CTNNAL1: variants seen among roughly 807,000 people sequenced by gnomAD.
CTNNAL1 encodes alpha-catulin.
Under a neutral mutation model 93.6 loss-of-function variants are expected in CTNNAL1, and 69 were observed. The observed-to-expected ratio is 0.74, with a 90% confidence interval of 0.61 to 0.90. The LOEUF is 0.90. Among genes scored for constraint, CTNNAL1 ranks in the 40% least tolerant of loss-of-function variants. The pLI is 0.00. For synonymous variants in CTNNAL1, 286 were observed against 305.4 expected, an observed-to-expected ratio of 0.94 and a Z score of 0.66; for missense variants, 836 against 862.0, an observed-to-expected ratio of 0.97 and a Z score of 0.38.
chr9:108,991,938 T>G, intron 3 of CTNNAL1: 1 of 661,498 alleles, frequency 1.5e-6, no homozygotes, highest in Non-Finnish European at 2.8e-6. Context: ...CTGGAAGAGT[T>G]TAAATCTGTT....
rs754540810 is a variant in CTNNAL1, at chr9:108,942,802, A to G, written c.2172T>C (p.Val724=). ...LQMENNGWVS[V]TNKDTMDSKT ...TACTATCCATAGTGTCCTTATTTGT[A>G]ACTGAGACCCATCCGTTATTTTCCA... Residue 724 remains valine (V), a synonymous_variant, in exon 19 of 19, where the codon GTT becomes GTC. Transcript: ENST00000325551. 13 of 1,613,516 alleles carry G rather than the reference A, an allele frequency of 8.1e-6. No individual in the cohort carries two copies. Among genetic ancestry groups the G allele is most frequent in the Non-Finnish European group, 1.0e-5 (12 of 1,179,688 alleles).
intron 1 of CTNNAL1, among the ~76,000 whole-genome samples, chr9:109,006,538 T>C (rs952232607): frequency 2.6e-5 from 4 of 152,178 alleles, no homozygotes; most frequent in Non-Finnish European, 5.9e-5. Context: ...AATCATAATA[T>C]GCCAAATACA....
At chr9:108,979,197 TG>T in intron 7 of CTNNAL1, 83 bp downstream of exon 7, 1 of 1,515,014 alleles carries the variant, frequency 6.6e-7, no homozygotes. Flanking sequence ...ATACTCCTGG[TG>T]ATTATGTAAC....
At position 108,992,392 on chromosome 9, in the gene CTNNAL1, T is replaced by G. The variant is rs563864364; in HGVS notation, c.519+240A>C. On this transcript the variant is annotated intron_variant, in intron 3 of 18. Coordinates refer to ENST00000325551, the MANE Select transcript of CTNNAL1 (RefSeq NM_003798.4). ...CAATTAACCTAAAAAGAACTTTTCT[T>G]TTTTTTTTTTTTTAAGCAACGCTCA... Among the ~76,000 whole-genome samples the G allele has an allele frequency of 3.5e-5, 5 of 144,528 alleles. No individual in the cohort carries two copies. In the East Asian group the frequency reaches 9.9e-4, roughly 28 times the overall value. The allele number at this position is 144,528 out of a possible 152,430, so 94.8% of individuals were successfully genotyped here.
At position 108,979,370 on chromosome 9, in the gene CTNNAL1, T is replaced by C. The variant is rs772209760; in HGVS notation, c.1012A>G (p.Thr338Ala). 4.3e-6 allele frequency: 7 copies of C among 1,613,602 alleles called. No individual in the cohort carries two copies. Among genetic ancestry groups the C allele is most frequent in the Non-Finnish European group, 5.9e-6 (7 of 1,179,972 alleles). ...ATGCGTTCTCTGTGCTCATGGCTGGTGTAGGCAGAATCAGTAAAGTCCTCC... is the reference window on the plus strand; with the variant it reads ...ATGCGTTCTCTGTGCTCATGGCTGGCGTAGGCAGAATCAGTAAAGTCCTCC... ...RMEDFTDSAY[T>A]SHEHRERILE... The change falls in exon 7 of 19, where the codon ACC becomes GCC. Residue 338 changes from threonine to alanine, a missense_variant. Transcript: ENST00000325551.
chr9:108,972,864 G>GGGGGGCGCCCCC, intron 8 of CTNNAL1, 31 bp from the exon 9 acceptor site: 4 of 142,562 alleles, frequency 2.8e-5, no homozygotes, highest in Non-Finnish European at 4.0e-5. Flanking sequence ...GGGGGGGTGG[G>GGGGGGCGCCCCC]AGGGTGGAGA....
intron 17 of CTNNAL1, among the ~76,000 whole-genome samples, chr9:108,943,439 T>C (rs968536691): frequency 6.6e-6 from 1 of 152,232 alleles, no homozygotes; most frequent in Non-Finnish European, 1.5e-5. Flanking sequence ...ACCTGTGTCC[T>C]AGTTGCAGAG....
chr9:109,000,298 A>G (rs1263690165), intron 1 of CTNNAL1, among the ~76,000 whole-genome samples: 2 of 152,226 alleles, frequency 1.3e-5, no homozygotes, highest in Non-Finnish European at 2.9e-5. Context: ...GACTAAGACA[A>G]TCCCACCACC....
In CTNNAL1 at chr9:108,970,435, A is replaced by T; in HGVS notation, c.1407T>A (p.His469Gln). 3.1e-6 allele frequency: 5 copies of T among 1,612,974 alleles called. No homozygotes were observed. Among genetic ancestry groups the T allele is most frequent in the Non-Finnish European group, 4.2e-6 (5 of 1,179,582 alleles). Residue 469 changes from histidine to glutamine, a missense_variant, in exon 10 of 19, where the codon CAT (histidine) becomes CAA (glutamine). His to Gln is a conservative substitution (Grantham distance 24). Transcript: ENST00000325551. ...CAGTCACCTGAAATGTCTCCTCTGC[A>T]TGTATACAGGTTATTTCCAGAGGTT... ...GTEPLEITCI[H>Q]AEETFQVTGQ... is the part of the protein sequence containing the mutation.
chr9:108,987,763 C>T (rs1341373240), intron 4 of CTNNAL1, among the ~76,000 whole-genome samples: 1 of 152,156 alleles, frequency 6.6e-6, no homozygotes, highest in Non-Finnish European at 1.5e-5. Context: ...TAGTTGGATT[C>T]CTAAGTATTT....
intron 4 of CTNNAL1, 146 bp from the exon 5 acceptor site, chr9:108,984,582 A>G (rs1262518438): frequency 5.4e-6 from 3 of 558,784 alleles, no homozygotes; most frequent in African/African-American, 1.9e-5. Context: ...AAGTTTTACA[A>G]ACTGTCACTG....
chr9:108,972,858 G>T (rs768111080), intron 8 of CTNNAL1, 25 bp from the exon 9 acceptor site: 36 of 400,062 alleles, frequency 9.0e-5, no homozygotes, highest in East Asian at 1.6e-4. Context: ...GTGGGTGGGG[G>T]GGTGGGAGGG....
At chr9:108,964,063 C>A (rs1474124527) in intron 11 of CTNNAL1, among the ~76,000 whole-genome samples, 1 of 152,208 alleles carries the variant, frequency 6.6e-6, no homozygotes, top group Non-Finnish European at 1.5e-5. Context: ...AGTGACCACT[C>A]TTCTTTTTAA....
intron 1 of CTNNAL1, among the ~76,000 whole-genome samples, chr9:109,001,377 T>C (rs577861300): frequency 6.6e-6 from 1 of 152,144 alleles, no homozygotes. Flanking sequence ...ATAATCTCTG[T>C]AGTGGTTTTA....
rs1323916736 is a variant in CTNNAL1, at chr9:108,992,712, A to C, written c.439T>G (p.Leu147Val). 6.2e-7 allele frequency: 1 copy of C among 1,614,064 alleles called. No homozygotes were observed. The highest frequency in any genetic ancestry group is 8.5e-7 in the Non-Finnish European group (1 of 1,179,972). The change falls in exon 3 of 19, where the codon TTA becomes GTA. Residue 147 changes from leucine (L) to valine (V), a missense_variant. Transcript: ENST00000325551. ...ACTTTTGTCACTGAAGAAAGAAGTA[A>C]TCTTGCAGCCTTTATCACTCCTGTT... ...DKTGVIKAAR[L>V]LLSSVTKVLL...
intron 1 of CTNNAL1, among the ~76,000 whole-genome samples, chr9:109,004,214 G>A (rs1446903200): frequency 1.3e-5 from 2 of 152,194 alleles, no homozygotes; most frequent in Non-Finnish European, 2.9e-5. Flanking sequence ...GCTAATAAGT[G>A]CTAGAGTTAG....
At chr9:108,947,305 G>A (rs1830436453) in intron 15 of CTNNAL1, among the ~76,000 whole-genome samples, 1 of 152,058 alleles carries the variant, frequency 6.6e-6, no homozygotes, top group Admixed American at 6.6e-5. Flanking sequence ...AGTGGAGACA[G>A]GGTTCCACCG....
Position 109,010,539 on chromosome 9 carries a change from T to C in CTNNAL1, c.141+2763A>G, listed in dbSNP as rs574010664. ...GTAAAAGTTTTCTGTAGATACTCTA[T>C]CAGGTTAAGGACACTTTTTCCTAAC... On this transcript the variant is annotated intron_variant, in intron 1 of 18. Transcript: ENST00000325551. Among the ~76,000 whole-genome samples, 14 of 152,348 alleles carry C rather than the reference T, an allele frequency of 9.2e-5. No individual in the cohort carries two copies. In the East Asian group the frequency reaches 2.3e-3, roughly 25 times the overall value.
intron 1 of CTNNAL1, among the ~76,000 whole-genome samples, chr9:109,009,503 T>C (rs1247278375): frequency 3.9e-5 from 6 of 152,194 alleles, no homozygotes; most frequent in Non-Finnish European, 2.9e-5. Flanking sequence ...TTACCGAGTT[T>C]CCATATATGT....
Sources: gnomAD v4.1 joint callset for allele counts (sites outside exome capture counted in the v4.1 genomes callset) on GRCh38, gnomAD v4.1.1 for gene constraint, MANE v1.5 for transcripts, NCBI Gene and HGNC (gene_info 2026-07-23, HGNC 2026-07-21) for gene names.